The following KCNT1 variants were observed in gnomAD, a reference collection of about 807,000 sequenced individuals.
The protein encoded by KCNT1 is potassium sodium-activated channel subfamily T member 1.
In KCNT1, 78 loss-of-function variants were observed where a neutral mutation model predicts 147.8. The observed-to-expected ratio is 0.53, with a 90% CI of 0.44 to 0.64. The LOEUF is 0.64. Among genes scored for constraint, KCNT1 ranks in the 30% least tolerant of loss-of-function variants. The pLI is 0.00. For missense variants in KCNT1, 1,419 were observed against 1,750.3 expected (o/e 0.81, Z 3.38); for synonymous variants, 867 against 748.8 (o/e 1.16, Z -2.58).
At chr9:135,791,315 C>G (rs552478388) in intron 29 of KCNT1, 1 of 179,826 alleles carries the variant, frequency 5.6e-6, no homozygotes, top group African/African-American at 2.4e-5. Flanking sequence ...CTGTGGATAC[C>G]ATAGGCATGG....
chr9:135,787,716 C>T (rs907368189), intron 29 of KCNT1, among the ~76,000 whole-genome samples: 1 of 152,172 alleles, frequency 6.6e-6, no homozygotes, highest in South Asian at 2.1e-4. Context: ...GGGAAGGTGT[C>T]CCCCTGTCCC....
chr9:135,737,722 G>A (rs1830400016), intron 2 of KCNT1, among the ~76,000 whole-genome samples: 1 of 152,164 alleles, frequency 6.6e-6, no homozygotes, highest in African/African-American at 2.4e-5. Flanking sequence ...GCAGATGGCA[G>A]GGCCAAGGGT....
intron 1 of KCNT1, among the ~76,000 whole-genome samples, chr9:135,713,634 G>T (rs566467036): frequency 1.4e-4 from 21 of 152,266 alleles, no homozygotes; most frequent in African/African-American, 4.8e-4. Flanking sequence ...CCCTGCCCGT[G>T]GGGGAGCCAG....
At chr9:135,770,619 G>A (rs10735240) in intron 17 of KCNT1, among the ~76,000 whole-genome samples, 172 bp downstream of exon 17, 25 of 151,992 alleles carry the variant, frequency 1.6e-4, no homozygotes, top group African/African-American at 6.0e-4. Context: ...TGGGCTCCGG[G>A]TCCACATAAA....
intron 2 of KCNT1, among the ~76,000 whole-genome samples, chr9:135,728,060 A>G (rs946225706): frequency 6.6e-6 from 1 of 152,254 alleles, no homozygotes; most frequent in Non-Finnish European, 1.5e-5. Flanking sequence ...CTCAAAAAAG[A>G]AAAAGATTAA....
chr9:135,727,886 G>T (rs1836284454), intron 2 of KCNT1, among the ~76,000 whole-genome samples: 1 of 152,260 alleles, frequency 6.6e-6, no homozygotes, highest in African/African-American at 2.4e-5. Context: ...GACCTGCTGT[G>T]CAGGGCTCTA....
At chr9:135,786,080 TC>T in intron 28 of KCNT1, 116 bp from the exon 29 acceptor site, 1 of 872,426 alleles carries the variant, frequency 1.1e-6, no homozygotes, top group Non-Finnish European at 1.8e-6. Flanking sequence ...CCCCAGCTGC[TC>T]CCACGCAGGC....
At chr9:135,758,686 A>C (rs1475877944) in intron 10 of KCNT1, among the ~76,000 whole-genome samples, 178 bp downstream of exon 10, 3 of 152,220 alleles carry the variant, frequency 2.0e-5, no homozygotes, top group African/African-American at 4.8e-5. Flanking sequence ...AGGCAGCTCC[A>C]AGCCCACGTC....
chr9:135,715,249 T>C (rs1200330019), intron 2 of KCNT1, among the ~76,000 whole-genome samples: 2 of 152,170 alleles, frequency 1.3e-5, no homozygotes, highest in African/African-American at 4.8e-5. Context: ...GCAAAATGAA[T>C]TGTGTCTTTC....
chr9:135,767,094 G>A lies in KCNT1; in HGVS notation c.1337+1334G>A, dbSNP rs149157032. 3.6e-3 allele frequency among the ~76,000 whole-genome samples: 546 copies of A among 152,296 alleles called. 2 individuals carry two copies. The highest frequency in any genetic ancestry group is 0.012 in the African/African-American group (509 of 41,548). On this transcript the variant is annotated intron_variant, in intron 13 of 30. Transcript: ENST00000371757. ...GGTGACATTTTCATTCCAGGAGCCT[G>A]AATGTGTCCTTAGTGGCATAGTGTT...
At chr9:135,766,382 G>A (rs1186819397) in intron 13 of KCNT1, among the ~76,000 whole-genome samples, 5 of 151,646 alleles carry the variant, frequency 3.3e-5, no homozygotes, top group African/African-American at 9.7e-5. Context: ...CATCCAGGGT[G>A]GATCATCTGG....
At chr9:135,773,050 A>G (rs969915075) in intron 19 of KCNT1, 101 bp downstream of exon 19, 1 of 811,166 alleles carries the variant, frequency 1.2e-6, no homozygotes, top group African/African-American at 1.8e-5. Context: ...CATGCTCTGA[A>G]TTGCAGCTTC....
At position 135,778,801 on chromosome 9, in the gene KCNT1, T is replaced by A. The variant is rs771545870; in HGVS notation, c.2708T>A (p.Val903Asp). The change falls in exon 23 of 31, where the codon GTC becomes GAC. Residue 903 changes from valine to aspartate, a missense_variant. Around this residue, in one of 5 missense-constraint regions of KCNT1, gnomAD observed 247 missense variants for 397.1 expected, o/e 0.62. Coordinates refer to ENST00000371757, the MANE Select transcript of KCNT1 (RefSeq NM_020822.3). ...TACATGGCGGACGCCAAGACCATCG[T>A]CAACGTGCAGACCATGTTCCGGTGC... ...EDYMADAKTI[V>D]NVQTMFRLFP... 1.9e-6 allele frequency: 3 copies of A among 1,613,674 alleles called. No individual in the cohort carries two copies. Among genetic ancestry groups the A allele is most frequent in the Non-Finnish European group, 2.5e-6 (3 of 1,179,920 alleles).
chr9:135,772,920 G>T lies in KCNT1; in HGVS notation c.2214G>T (p.Pro738=), dbSNP rs142424896. The change falls in exon 19 of 31, where the codon CCG becomes CCT. Residue 738 remains proline (P), a synonymous_variant. Coordinates refer to ENST00000371757, the MANE Select transcript of KCNT1 (RefSeq NM_020822.3). ...ACCAGTCGGAGGATGAGGTGACGCCGTCGGACGACGAGGGGCTCTCCGTGG... is the reference window on the plus strand; with the variant it reads ...ACCAGTCGGAGGATGAGGTGACGCCTTCGGACGACGAGGGGCTCTCCGTGG... ...LSDQSEDEVT[P]SDDEGLSVVE... 2.0e-6 allele frequency: 3 copies of T among 1,527,084 alleles called. No individual in the cohort carries two copies. Among genetic ancestry groups the T allele is most frequent in the Non-Finnish European group, 1.8e-6 (2 of 1,139,288 alleles). The allele number at this position is 1,527,084 out of a possible 1,614,324, so 94.6% of individuals were successfully genotyped here.
In KCNT1 at chr9:135,792,314, T is replaced by TA; in HGVS notation, c.*153_*154insA. The TA allele has an allele frequency of 4.9e-6, 5 of 1,022,156 alleles. No homozygotes were observed. Among genetic ancestry groups the TA allele is most frequent in the South Asian group, 1.7e-5 (1 of 57,738 alleles). 63.3% of individuals were successfully genotyped at this position (1,022,156 alleles called of 1,614,324 possible). A position where few individuals can be genotyped will look rare whatever the true frequency, so the allele number is the denominator to read the frequency against. ...GGACTCCACCCTGGAAAGGAGCCCC[T>TA]CATGCGGGGGGAGGGCCAGCTCACC... On this transcript the variant is annotated 3_prime_UTR_variant, in exon 31 of 31. Transcript: ENST00000371757.
chr9:135,776,987 G>A (rs77955439), intron 20 of KCNT1, among the ~76,000 whole-genome samples: 1,552 of 152,342 alleles, frequency 0.01, 29 homozygotes, highest in East Asian at 0.054. Flanking sequence ...GGCACGTGGC[G>A]TGCTCACTGC....
chr9:135,746,777 C>T lies in KCNT1; in HGVS notation c.255-3321C>T, dbSNP rs547472278. On this transcript the variant is annotated intron_variant, in intron 2 of 30. Transcript: ENST00000371757. ...TGTTGCCTTGGAGTGGAGTGTGGGG[C>T]GATGGTCAGGGCGGAGCTGGGCACC... Among the ~76,000 whole-genome samples, 5 of 151,794 alleles carry T rather than the reference C, an allele frequency of 3.3e-5. No homozygotes were observed. In the South Asian group the frequency reaches 8.4e-4, roughly 25 times the overall value.
intron 18 of KCNT1, 200 bp downstream of exon 18, chr9:135,771,295 A>ACAGGAGACCAGACCGGGCAGGG (rs371895153): frequency 1.3e-5 from 8 of 612,678 alleles, no homozygotes; most frequent in African/African-American, 3.7e-5. Flanking sequence ...ACCAGGTGGG[A>ACAGGAGACCAGACCGGGCAGGG]CAGGAGACCA....
At chr9:135,757,041 T>G (rs1207090445) in intron 7 of KCNT1, 109 bp downstream of exon 7, 17 of 998,886 alleles carry the variant, frequency 1.7e-5, no homozygotes, top group Non-Finnish European at 2.3e-5. Flanking sequence ...CTTCCCAGCC[T>G]CATCCACTGA....
Sources: allele counts gnomAD v4.1 joint callset (sites outside exome capture counted in the v4.1 genomes callset), GRCh38; gene constraint gnomAD v4.1.1; regional missense constraint gnomAD v4.1.1; transcripts MANE v1.5; gene names NCBI Gene and HGNC (gene_info 2026-07-23, HGNC 2026-07-21).